FAM174A: variants seen among roughly 807,000 people sequenced by gnomAD.
FAM174A encodes the protein family with sequence similarity 174 member A, also known as membrane protein FAM174A.
FAM174A carries 14 observed loss-of-function variants against 14.3 expected under a neutral mutation model. That is an observed-to-expected ratio of 0.98 (90% CI 0.65 to 1.53). The LOEUF is 1.53. FAM174A is among the 40% of genes most tolerant of loss of function. FAM174A has a pLI of 0.00. For missense variants in FAM174A, 241 were observed against 249.6 expected (o/e 0.97, Z 0.23); for synonymous variants, 108 against 111.4 (o/e 0.97, Z 0.19).
intron 2 of FAM174A, among the ~76,000 whole-genome samples, chr5:100,568,592 T>TTTGTTTTTCTGTGTTTTTGCCTGC (rs531739495): frequency 0.011 from 1,721 of 152,014 alleles, 15 homozygotes; most frequent in Middle Eastern, 0.02. Flanking sequence ...GCCTGCTTCC[T>TTTGTTTTTCTGTGTTTTTGCCTGC]TTCCATAGTT....
chr5:100,549,514 G>A (rs1045388623), intron 1 of FAM174A, among the ~76,000 whole-genome samples: 2 of 152,056 alleles, frequency 1.3e-5, no homozygotes, highest in African/African-American at 4.8e-5. Flanking sequence ...GGAAGTGATT[G>A]TATGTACTGA....
At chr5:100,571,096 G>A (rs1746769240) in intron 2 of FAM174A, among the ~76,000 whole-genome samples, 1 of 151,366 alleles carries the variant, frequency 6.6e-6, no homozygotes. Context: ...TTTTCTTAAA[G>A]TATTTTTGTC....
chr5:100,560,156 T>G (rs1196515533), intron 1 of FAM174A, among the ~76,000 whole-genome samples: 4 of 152,102 alleles, frequency 2.6e-5, no homozygotes, highest in Admixed American at 2.6e-4. Flanking sequence ...TTGTTAGCTT[T>G]CTTTCTAACA....
chr5:100,577,214 ATTAAG>A (rs1746921333), intron 2 of FAM174A, among the ~76,000 whole-genome samples: 1 of 152,108 alleles, frequency 6.6e-6, no homozygotes, highest in African/African-American at 2.4e-5. Context: ...AATAAAAATA[ATTAAG>A]TTTTAAAATT....
intron 2 of FAM174A, among the ~76,000 whole-genome samples, chr5:100,565,785 A>G (rs1321141443): frequency 6.6e-6 from 1 of 151,724 alleles, no homozygotes; most frequent in Admixed American, 6.6e-5. Context: ...CTTGGAAGAA[A>G]TATCGGAGAC....
In FAM174A at chr5:100,561,067, G is replaced by T. The variant is rs13436339; in HGVS notation, c.435-987G>T. On this transcript the variant is annotated intron_variant, in intron 1 of 2. Transcript: ENST00000312637. Reference sequence around the variant, plus strand: ...TGCCCTCAGAGAACTTAGTGGGAGAGACAGATGAATAAACCCCACATAAAC... The same window carrying T: ...TGCCCTCAGAGAACTTAGTGGGAGATACAGATGAATAAACCCCACATAAAC... 1.4e-3 allele frequency among the ~76,000 whole-genome samples: 212 copies of T among 151,966 alleles called. 2 individuals are homozygous for T. The highest frequency in any genetic ancestry group is 4.8e-3 in the African/African-American group (201 of 41,506).
intron 2 of FAM174A, among the ~76,000 whole-genome samples, chr5:100,583,227 A>G (rs780503119): frequency 6.6e-6 from 1 of 152,140 alleles, no homozygotes; most frequent in Admixed American, 6.5e-5. Context: ...TTGCTGTCTC[A>G]GGGGTGGTAG....
intron 1 of FAM174A, among the ~76,000 whole-genome samples, chr5:100,560,297 T>C (rs933789342): frequency 4.6e-5 from 7 of 152,240 alleles, no homozygotes; most frequent in South Asian, 2.1e-4. Flanking sequence ...TTTGCACACA[T>C]ACACACACAT....
chr5:100,554,561 C>G (rs548449158), intron 1 of FAM174A, among the ~76,000 whole-genome samples: 66 of 152,206 alleles, frequency 4.3e-4, no homozygotes, highest in African/African-American at 1.6e-3. Context: ...CTGCCCGCCT[C>G]AGCCTCCCAA....
In FAM174A at chr5:100,585,934, C is replaced by G. The variant is rs545479675; in HGVS notation, c.570-247C>G. On this transcript the variant is annotated intron_variant, in intron 2 of 2. Transcript: ENST00000312637. Reference sequence around the variant, plus strand: ...GGATAAACTTTATTATGAATATAACCTAGTCTTTACTCACAGTAGTTAAAT... The same window carrying G: ...GGATAAACTTTATTATGAATATAACGTAGTCTTTACTCACAGTAGTTAAAT... Among the ~76,000 whole-genome samples, 6 of 152,122 alleles carry G rather than the reference C, an allele frequency of 3.9e-5. No homozygotes were observed. In the East Asian group the frequency reaches 1.2e-3, roughly 29 times the overall value.
At position 100,540,338 on chromosome 5, in the gene FAM174A, T is replaced by A. The variant is rs139112018; in HGVS notation, c.434+4374T>A. ...TAAATATTATTTACCACCTATTGGGTGCCATTACTAAGCTCTGTGATGAGG... is the reference window on the plus strand; with the variant it reads ...TAAATATTATTTACCACCTATTGGGAGCCATTACTAAGCTCTGTGATGAGG... On this transcript the variant is annotated intron_variant, in intron 1 of 2. Transcript: ENST00000312637. 1.7e-3 allele frequency among the ~76,000 whole-genome samples: 255 copies of A among 152,280 alleles called. 1 individual carries two copies. The highest frequency in any genetic ancestry group is 5.8e-3 in the African/African-American group (242 of 41,554).
chr5:100,545,640 A>G (rs1276981558), intron 1 of FAM174A, among the ~76,000 whole-genome samples: 2 of 152,196 alleles, frequency 1.3e-5, no homozygotes, highest in African/African-American at 2.4e-5. Context: ...AAAACATCCA[A>G]AAGATAAAAC....
At chr5:100,584,695 AT>A (rs1397191447) in intron 2 of FAM174A, among the ~76,000 whole-genome samples, 1 of 152,168 alleles carries the variant, frequency 6.6e-6, no homozygotes, top group African/African-American at 2.4e-5. Flanking sequence ...TCAATATGAG[AT>A]AAAAAAGTTA....
intron 2 of FAM174A, among the ~76,000 whole-genome samples, chr5:100,580,335 C>G (rs1023649386): frequency 2.0e-5 from 3 of 152,144 alleles, no homozygotes; most frequent in African/African-American, 4.8e-5. Flanking sequence ...TATTAGGGTT[C>G]TCTAGAGGGA....
intron 1 of FAM174A, among the ~76,000 whole-genome samples, chr5:100,561,628 A>G (rs902946468): frequency 3.9e-5 from 6 of 151,954 alleles, no homozygotes; most frequent in African/African-American, 1.2e-4. Context: ...TAGTCTGTGA[A>G]TATGCATATA....
chr5:100,572,720 A>C (rs1325323916), intron 2 of FAM174A, among the ~76,000 whole-genome samples: 1 of 152,152 alleles, frequency 6.6e-6, no homozygotes, highest in Non-Finnish European at 1.5e-5. Flanking sequence ...ATACATGTGC[A>C]CGTGTCTCTA....
At chr5:100,576,323 C>T (rs905701652) in intron 2 of FAM174A, among the ~76,000 whole-genome samples, 4 of 152,072 alleles carry the variant, frequency 2.6e-5, no homozygotes, top group Non-Finnish European at 4.4e-5. Context: ...TCTTGCTCCT[C>T]TCCTCTGTGA....
chr5:100,558,725 T>C (rs564516350), intron 1 of FAM174A, among the ~76,000 whole-genome samples: 1 of 152,288 alleles, frequency 6.6e-6, no homozygotes, highest in Non-Finnish European at 1.5e-5. Context: ...TCTTTGTTGG[T>C]TTAAAGTCTG....
intron 1 of FAM174A, among the ~76,000 whole-genome samples, chr5:100,558,883 C>G (rs1008496749): frequency 2.0e-4 from 30 of 152,232 alleles, no homozygotes; most frequent in African/African-American, 6.7e-4. Context: ...GGTCTTGACT[C>G]TTTATCCAAT....
Sources: allele counts gnomAD v4.1 joint callset (sites outside exome capture counted in the v4.1 genomes callset), GRCh38; gene constraint gnomAD v4.1.1; transcripts MANE v1.5; gene names NCBI Gene and HGNC (gene_info 2026-07-23, HGNC 2026-07-21).